Variants in INTS9 observed in about 807,000 individuals in gnomAD.
INTS9 encodes the protein integrator complex subunit 9.
In INTS9, 55 loss-of-function variants were observed where a neutral mutation model predicts 79.7. That is an observed-to-expected ratio of 0.69 (90% CI 0.56 to 0.86). The LOEUF (loss-of-function observed/expected upper bound fraction) is 0.86, where lower values mean the gene tolerates loss of function less well. INTS9 is among the 40% of genes least tolerant of loss of function. The pLI, the probability that INTS9 is intolerant of heterozygous loss-of-function variation, is 0.00. For synonymous variants in INTS9, 319 were observed against 325.2 expected (o/e 0.98, Z 0.20); for missense variants, 721 against 831.5 (o/e 0.87, Z 1.64).
At chr8:28,868,598 G>A (rs1450851153) in intron 1 of INTS9, among the ~76,000 whole-genome samples, 1 of 152,202 alleles carries the variant, frequency 6.6e-6, no homozygotes, top group Non-Finnish European at 1.5e-5. Context: ...TAACTTTGCT[G>A]ATACATTGAT....
intron 6 of INTS9, among the ~76,000 whole-genome samples, chr8:28,834,849 G>C (rs151144287): frequency 8.9e-4 from 136 of 152,066 alleles, no homozygotes; most frequent in Middle Eastern, 3.4e-3. Flanking sequence ...TAATTTTTTT[G>C]CATTTTTCAT....
At chr8:28,801,543 A>G (rs1005002701) in intron 8 of INTS9, among the ~76,000 whole-genome samples, 40 of 152,074 alleles carry the variant, frequency 2.6e-4, no homozygotes, top group African/African-American at 9.4e-4. Flanking sequence ...AAAAACCTTG[A>G]TACAAGAAAT....
intron 1 of INTS9, among the ~76,000 whole-genome samples, chr8:28,866,382 T>C (rs1808743493): frequency 6.6e-6 from 1 of 152,158 alleles, no homozygotes. Flanking sequence ...TGTCACCATT[T>C]TGAGACCATT....
intron 13 of INTS9, among the ~76,000 whole-genome samples, chr8:28,777,234 C>T (rs1459872144): frequency 1.3e-5 from 2 of 152,234 alleles, no homozygotes; most frequent in South Asian, 2.1e-4. Flanking sequence ...CAGCTGTCCT[C>T]CTTGCCAATT....
Position 28,769,889 on chromosome 8 carries a change from C to T in INTS9, c.1800G>A (p.Lys600=), listed in dbSNP as rs575435500. The change falls in exon 16 of 17, where the codon AAG becomes AAA. Residue 600 remains lysine (K), a splice_region_variant and synonymous_variant. Coordinates refer to ENST00000521022, the MANE Select transcript of INTS9 (RefSeq NM_018250.4). ...CACGGCACCAGCGAAACCAGCTCAC[C>T]TTCTCCAGGGTCTGCACGAACTGCT... The part of the protein sequence containing the change: ...PVEQFVQTLE[K]HGFSDIKVED... 1 of 1,613,712 alleles carries T rather than the reference C, an allele frequency of 6.2e-7. No homozygotes were observed. The highest frequency in any genetic ancestry group is 1.3e-5 in the African/African-American group (1 of 75,042).
At position 28,867,529 on chromosome 8, in the gene INTS9, A is replaced by AT. The variant is rs199506918; in HGVS notation, c.10-7967dup. On this transcript the variant is annotated intron_variant, in intron 1 of 16. Transcript: ENST00000521022. ...GAGGCACAGGTTGCAGTGAGCTGAG[A>AT]TTAAAAAAAAAAAAAAAAAGGCTAT... Among the ~76,000 whole-genome samples the AT allele has an allele frequency of 1.1e-4, 16 of 144,668 alleles. No homozygotes were observed. In the East Asian group the frequency reaches 1.2e-3, roughly 11 times the overall value. 94.9% of individuals were successfully genotyped at this position (144,668 alleles called of 152,430 possible).
In INTS9 at chr8:28,769,910, C is replaced by T; in HGVS notation, c.1779G>A (p.Gln593=). The T allele has an allele frequency of 3.7e-6, 6 of 1,614,182 alleles. No homozygotes were observed. The highest frequency in any genetic ancestry group is 5.1e-6 in the Non-Finnish European group (6 of 1,180,010). The change falls in exon 16 of 17, where the codon CAG becomes CAA. Residue 593 remains glutamine (Q), a synonymous_variant. Coordinates refer to ENST00000521022, the MANE Select transcript of INTS9 (RefSeq NM_018250.4). ...TCACCTTCTCCAGGGTCTGCACGAA[C>T]TGCTCCACAGGGATGGAACCGCTCA... ...PLLSGSIPVE[Q]FVQTLEKHGF...
intron 4 of INTS9, among the ~76,000 whole-genome samples, chr8:28,843,107 A>G (rs1023115874): frequency 6.6e-6 from 1 of 152,238 alleles, no homozygotes; most frequent in Non-Finnish European, 1.5e-5. Context: ...GACTTCAGGG[A>G]CAAAGCATCA....
chr8:28,886,009 C>T lies in INTS9; in HGVS notation c.9+3865G>A, dbSNP rs148075889. On this transcript the variant is annotated intron_variant, in intron 1 of 16. Transcript: ENST00000521022. ...TGAGTTGGTATCTAAGAAGGAGATA[C>T]CCAAGTATTACGTTATAATGGCATC... 2.9e-3 allele frequency among the ~76,000 whole-genome samples: 447 copies of T among 152,040 alleles called. 8 individuals are homozygous for T. The highest frequency in any genetic ancestry group is 0.01 in the African/African-American group (425 of 41,448).
At chr8:28,849,193 A>C (rs1807690754) in intron 3 of INTS9, among the ~76,000 whole-genome samples, 1 of 152,200 alleles carries the variant, frequency 6.6e-6, no homozygotes, top group Non-Finnish European at 1.5e-5. Context: ...GGAAAGGAAG[A>C]ATGATTTAGG....
intron 14 of INTS9, 65 bp from the exon 15 acceptor site, chr8:28,771,145 C>T: frequency 8.9e-7 from 1 of 1,125,804 alleles, no homozygotes; most frequent in Non-Finnish European, 1.3e-6. Flanking sequence ...TTCCTTTAAT[C>T]TGTATTTACA....
chr8:28,835,468 C>CTA, intron 5 of INTS9, 90 bp from the exon 6 acceptor site: 1 of 661,536 alleles, frequency 1.5e-6, no homozygotes, highest in Non-Finnish European at 2.6e-6. Flanking sequence ...AAATGACTTG[C>CTA]CCACCTCCCC....
intron 1 of INTS9, among the ~76,000 whole-genome samples, chr8:28,883,685 G>A (rs911833935): frequency 6.6e-6 from 1 of 152,174 alleles, no homozygotes; most frequent in Admixed American, 6.5e-5. Flanking sequence ...TGCTTGAATT[G>A]GACAGTAAAC....
rs759133364 is a variant in INTS9, at chr8:28,768,197, C to T, written c.1926G>A (p.Met642Ile). 2.5e-6 allele frequency: 4 copies of T among 1,614,092 alleles called. No individual in the cohort carries two copies. In the South Asian group the frequency reaches 3.3e-5, roughly 13 times the overall value. ...STHIICDNDEMLRVRLRDLVL... is the reference protein window; with the variant it reads ...STHIICDNDEILRVRLRDLVL... ...CAAGGTCCCGCAGTCGCACTCTGAG[C>T]ATCTCGTCATTGTCGCAGATGATAT... The change falls in exon 17 of 17, where the codon ATG (methionine) becomes ATA (isoleucine). Residue 642 changes from methionine (M) to isoleucine (I), a missense_variant. Transcript: ENST00000521022.
At chr8:28,836,396 T>A (rs1806809793) in intron 5 of INTS9, among the ~76,000 whole-genome samples, 1 of 152,200 alleles carries the variant, frequency 6.6e-6, no homozygotes. Context: ...AGAAATGGAT[T>A]TGACACCTTG....
At chr8:28,777,718 C>G (rs958045460) in intron 13 of INTS9, 111 bp downstream of exon 13, 8 of 1,278,074 alleles carry the variant, frequency 6.3e-6, no homozygotes, top group Non-Finnish European at 8.3e-6. Flanking sequence ...TGCGTGAGAA[C>G]TGAAGACAAG....
At chr8:28,772,862 A>G (rs10100156) in intron 14 of INTS9, among the ~76,000 whole-genome samples, 2,899 of 152,344 alleles carry the variant, frequency 0.019, 88 homozygotes, top group African/African-American at 0.066. Flanking sequence ...GTATACTTAT[A>G]TAACTGGAAA....
In INTS9 at chr8:28,769,907, G is replaced by C. The variant is rs141233116; in HGVS notation, c.1782C>G (p.Phe594Leu). ...AGCTCACCTTCTCCAGGGTCTGCAC[G>C]AACTGCTCCACAGGGATGGAACCGC... ...LLSGSIPVEQ[F>L]VQTLEKHGFS... is the part of the protein sequence containing the mutation. The change falls in exon 16 of 17, where the codon TTC (phenylalanine) becomes TTG (leucine). Residue 594 changes from phenylalanine to leucine, a missense_variant. Coordinates refer to ENST00000521022, the MANE Select transcript of INTS9 (RefSeq NM_018250.4). 1 of 1,614,050 alleles carries C rather than the reference G, an allele frequency of 6.2e-7. No individual in the cohort carries two copies. Among genetic ancestry groups the C allele is most frequent in the Non-Finnish European group, 8.5e-7 (1 of 1,180,024 alleles).
At chr8:28,832,889 G>T (rs1202656175) in intron 6 of INTS9, among the ~76,000 whole-genome samples, 2 of 152,004 alleles carry the variant, frequency 1.3e-5, no homozygotes, top group African/African-American at 4.8e-5. Flanking sequence ...CTGAACCTTG[G>T]GAGGCAGGGG....
Sources: gnomAD v4.1 joint callset for allele counts (sites outside exome capture counted in the v4.1 genomes callset) on GRCh38, gnomAD v4.1.1 for gene constraint, MANE v1.5 for transcripts, NCBI Gene and HGNC (gene_info 2026-07-23, HGNC 2026-07-21) for gene names.